Variants in MAP9 observed in about 807,000 individuals in gnomAD.
MAP9 encodes microtubule associated protein 9, also known as microtubule-associated protein 9.
In MAP9, 80 loss-of-function variants were observed where a neutral mutation model predicts 75.2. The ratio of observed to expected loss-of-function variants is 1.06; its 90% CI spans 0.89 to 1.28. The LOEUF (loss-of-function observed/expected upper bound fraction) is 1.28. MAP9 is among the 50% of genes most tolerant of loss of function. The pLI is 0.00. For synonymous variants in MAP9, 235 were observed against 237.3 expected (o/e 0.99, Z 0.09); for missense variants, 753 against 719.9 (o/e 1.05, Z -0.53).
intron 13 of MAP9, among the ~76,000 whole-genome samples, chr4:155,349,017 A>G (rs914528008): frequency 5.3e-5 from 8 of 152,218 alleles, no homozygotes; most frequent in African/African-American, 1.9e-4. Context: ...ATAATTCCAA[A>G]TTGTGTGAAT....
chr4:155,370,193 T>C (rs1732532423), intron 4 of MAP9, among the ~76,000 whole-genome samples: 1 of 152,202 alleles, frequency 6.6e-6, no homozygotes, highest in African/African-American at 2.4e-5. Flanking sequence ...TCAATTCTAA[T>C]TGCCAAATAT....
chr4:155,355,865 A>G lies in MAP9; in HGVS notation c.1141T>C (p.Leu381=), dbSNP rs147767242. 7.6e-5 allele frequency: 123 copies of G among 1,613,128 alleles called. No individual in the cohort carries two copies. The African/African-American group carries it at 1.5e-3, about 19-fold the overall frequency. The stretch of plus-strand genomic sequence containing the variant: ...CTCCTTTTAGAACTAGATTTCTTCA[A>G]AAACTCAGAGGTCATTAATCTGAAA... ...ASARLMTSEF[L]KKSSSKRRTP... is the part of the protein sequence containing the mutation. Residue 381 remains leucine (L), a synonymous_variant, in exon 9 of 14, where the codon TTG becomes CTG. Coordinates refer to ENST00000311277, the MANE Select transcript of MAP9 (RefSeq NM_001039580.2).
At position 155,373,329 on chromosome 4, in the gene MAP9, T is replaced by G; in HGVS notation, c.288A>C (p.Lys96Asn). ...CATCTTTGGTTATGTTACCGTTTGA[T>G]TTATTGGTTTTCAAAAACAATAGTT... ...PSKLLFLKTN[K>N]SNGNITKDEP... The change falls in exon 4 of 14, where the codon AAA (lysine) becomes AAC (asparagine). Residue 96 changes from lysine to asparagine, a missense_variant. Lys to Asn is a moderately conservative substitution (Grantham distance 94, BLOSUM62 0). Coordinates refer to ENST00000311277, the MANE Select transcript of MAP9 (RefSeq NM_001039580.2). 6.2e-7 allele frequency: 1 copy of G among 1,613,710 alleles called. No homozygotes were observed. The highest frequency in any genetic ancestry group is 8.5e-7 in the Non-Finnish European group (1 of 1,179,860).
chr4:155,358,034 G>A (rs900167034), intron 7 of MAP9, among the ~76,000 whole-genome samples: 1 of 152,176 alleles, frequency 6.6e-6, no homozygotes, highest in Non-Finnish European at 1.5e-5. Flanking sequence ...ACTAGGCAGC[G>A]ATGAGGAGTC....
rs930811206 is a variant in MAP9, at chr4:155,343,279, G to C, written c.*4504C>G. On this transcript the variant is annotated 3_prime_UTR_variant, in exon 14 of 14. Coordinates refer to ENST00000311277, the MANE Select transcript of MAP9 (RefSeq NM_001039580.2). ...CAGGAGAGAGACAGAGTGGGAGAGA[G>C]AAAGAGGAGGGAGGAACTATCTCTT... The C allele has an allele frequency of 5.9e-5, 9 of 151,412 alleles. No homozygotes were observed. Among genetic ancestry groups the C allele is most frequent in the African/African-American group, 2.2e-4 (9 of 41,308 alleles). The allele number at this position is 151,412 out of a possible 1,614,324, so 9.4% of individuals were successfully genotyped here.
chr4:155,374,555 C>T (rs1375675886), intron 3 of MAP9, among the ~76,000 whole-genome samples: 1 of 152,112 alleles, frequency 6.6e-6, no homozygotes, highest in Non-Finnish European at 1.5e-5. Flanking sequence ...TTCTAATGTG[C>T]ACCGAAGTTT....
At chr4:155,366,122 A>G (rs1405764762) in intron 5 of MAP9, among the ~76,000 whole-genome samples, 1 of 152,152 alleles carries the variant, frequency 6.6e-6, no homozygotes, top group Non-Finnish European at 1.5e-5. Context: ...ACACCTTGGG[A>G]GGCCGAGGTG....
intron 7 of MAP9, 142 bp downstream of exon 7, chr4:155,360,026 C>G: frequency 1.3e-6 from 1 of 743,476 alleles, no homozygotes; most frequent in East Asian, 2.7e-5. Context: ...TAAGTAAGAA[C>G]CATGTGACAA....
At chr4:155,369,037 G>A (rs948158092) in intron 4 of MAP9, among the ~76,000 whole-genome samples, 9 of 151,914 alleles carry the variant, frequency 5.9e-5, no homozygotes, top group East Asian at 1.9e-4. Context: ...CTGTGATCCC[G>A]ACATGTTGGG....
intron 11 of MAP9, 49 bp from the exon 12 acceptor site, chr4:155,353,106 TA>T (rs748403015): frequency 6.5e-7 from 1 of 1,536,044 alleles, no homozygotes; most frequent in South Asian, 1.3e-5. Flanking sequence ...TGAAAATAAA[TA>T]AAAATATGGT....
At chr4:155,360,719 CA>C (rs1560810039) in intron 6 of MAP9, among the ~76,000 whole-genome samples, 4 of 151,928 alleles carry the variant, frequency 2.6e-5, no homozygotes, top group Non-Finnish European at 4.4e-5. Context: ...TGTTGATATA[CA>C]AACCAAGTAA....
chr4:155,347,499 T>C lies in MAP9; in HGVS notation c.*284A>G. ...AACATACAGAGCTTAATGAAAAAGA[T>C]CATGAATCACTCCACCATAAGAATT... On this transcript the variant is annotated 3_prime_UTR_variant, in exon 14 of 14. Transcript: ENST00000311277. The C allele has an allele frequency of 3.8e-6, 1 of 262,880 alleles. No homozygotes were observed. Among genetic ancestry groups the C allele is most frequent in the Non-Finnish European group, 7.1e-6 (1 of 141,676 alleles). 16.3% of individuals were successfully genotyped at this position (262,880 alleles called of 1,614,324 possible).
rs1024997587 is a variant in MAP9, at chr4:155,375,907, G to A, written c.-57C>T. 7.9e-6 allele frequency: 9 copies of A among 1,139,528 alleles called. No homozygotes were observed. The highest frequency in any genetic ancestry group is 1.2e-5 in the Non-Finnish European group (9 of 765,764). The allele number at this position is 1,139,528 out of a possible 1,614,324, so 70.6% of individuals were successfully genotyped here. ...AGCTAATTATTAGAATTCAACTTCTGATAGTAGCTGAAATATACAAAACAA... is the reference window on the plus strand; with the variant it reads ...AGCTAATTATTAGAATTCAACTTCTAATAGTAGCTGAAATATACAAAACAA... On this transcript the variant is annotated 5_prime_UTR_variant, in exon 2 of 14. Transcript: ENST00000311277.
At chr4:155,357,955 G>A (rs753936622) in intron 7 of MAP9, among the ~76,000 whole-genome samples, 21 of 152,104 alleles carry the variant, frequency 1.4e-4, no homozygotes, top group Non-Finnish European at 2.8e-4. Flanking sequence ...AGAGGTGAAT[G>A]GAGCTGAAGC....
chr4:155,355,203 T>A, intron 9 of MAP9, 43 bp from the exon 10 acceptor site: 1 of 649,672 alleles, frequency 1.5e-6, no homozygotes, highest in Non-Finnish European at 2.4e-6. Context: ...TAAAATTTCT[T>A]AAGTGAATTA....
In MAP9 at chr4:155,352,713, T is replaced by G. The variant is rs371418116; in HGVS notation, c.1704A>C (p.Glu568Asp). 1.9e-6 allele frequency: 3 copies of G among 1,554,118 alleles called. No homozygotes were observed. The highest frequency in any genetic ancestry group is 1.9e-5 in the Admixed American group (1 of 53,982). ...CTTTTTCCTTTTGCTTGAAAAAAGCTTCCTTTTTTTCATTCCTATAGAGCA... is the reference window on the plus strand; with the variant it reads ...CTTTTTCCTTTTGCTTGAAAAAAGCGTCCTTTTTTTCATTCCTATAGAGCA... ...TAVEKWNEKK[E>D]AFFKQKEKEK... Residue 568 changes from glutamate to aspartate, a missense_variant, in exon 13 of 14, where the codon GAA becomes GAC. Coordinates refer to ENST00000311277, the MANE Select transcript of MAP9 (RefSeq NM_001039580.2).
chr4:155,362,353 G>T (rs1256140415), intron 5 of MAP9: 1 of 408,398 alleles, frequency 2.4e-6, no homozygotes, highest in African/African-American at 2.1e-5. Context: ...ATTAAAAGGG[G>T]TCACTGAAAG....
At chr4:155,351,458 A>C (rs542854028) in intron 13 of MAP9, among the ~76,000 whole-genome samples, 129 of 151,812 alleles carry the variant, frequency 8.5e-4, no homozygotes, top group African/African-American at 3.0e-3. Flanking sequence ...AAGCCAAAAA[A>C]AAAAAACAGA....
chr4:155,357,626 G>T, intron 7 of MAP9, 107 bp from the exon 8 acceptor site: 1 of 665,816 alleles, frequency 1.5e-6, no homozygotes, highest in Non-Finnish European at 2.6e-6. Context: ...TCTACTATGT[G>T]TCAAACACAG....
Sources: allele counts gnomAD v4.1 joint callset (sites outside exome capture counted in the v4.1 genomes callset), GRCh38; gene constraint gnomAD v4.1.1; transcripts MANE v1.5; gene names NCBI Gene and HGNC (gene_info 2026-07-23, HGNC 2026-07-21).